RYR2: variants seen among roughly 807,000 people sequenced by gnomAD.
RYR2 encodes cardiac muscle ryanodine receptor-calcium release channel.
In RYR2, 227 loss-of-function variants were observed where a neutral mutation model predicts 601.1. The ratio of observed to expected loss-of-function variants is 0.38; its 90% CI spans 0.34 to 0.42. The LOEUF (loss-of-function observed/expected upper bound fraction) is 0.42. RYR2 is among the 10% of genes least tolerant of loss of function. The probability of loss-of-function intolerance (pLI) is 1.00; values close to 1 mark genes in which losing one functional copy is unlikely to be tolerated. For synonymous variants in RYR2, 2,223 were observed against 2,175.1 expected, an observed-to-expected ratio of 1.02 and a Z score of -0.61; for missense variants, 4,646 against 6,156.5, an observed-to-expected ratio of 0.75 and a Z score of 8.21.
At chr1:237,321,318 C>T (rs1220222075) in intron 2 of RYR2, among the ~76,000 whole-genome samples, 1 of 152,054 alleles carries the variant, frequency 6.6e-6, no homozygotes, top group Non-Finnish European at 1.5e-5. Flanking sequence ...AGTACAATTC[C>T]TGGCAAGAAT....
intron 1 of RYR2, among the ~76,000 whole-genome samples, chr1:237,170,311 G>A (rs769390428): frequency 6.6e-6 from 1 of 152,140 alleles, no homozygotes; most frequent in Non-Finnish European, 1.5e-5. Flanking sequence ...AGCAGCAAGT[G>A]CCAGGCTCTT....
intron 25 of RYR2, among the ~76,000 whole-genome samples, chr1:237,539,948 A>G (rs1422209746): frequency 1.3e-5 from 2 of 152,170 alleles, no homozygotes; most frequent in African/African-American, 2.4e-5. Context: ...TCTGATATAT[A>G]ATAGACATAA....
At chr1:237,747,875 G>C (rs913445187) in intron 80 of RYR2, among the ~76,000 whole-genome samples, 1 of 152,080 alleles carries the variant, frequency 6.6e-6, no homozygotes, top group Non-Finnish European at 1.5e-5. Context: ...GAGGTATATG[G>C]TATCCAAAAT....
At chr1:237,538,394 CAAAAAAAAAAAAAA>C (rs10551995) in intron 25 of RYR2, among the ~76,000 whole-genome samples, 23 of 32,872 alleles carry the variant, frequency 7.0e-4, no homozygotes, top group African/African-American at 1.3e-3. Flanking sequence ...GACTCTGTCT[CAAAAAAAAAAAAAA>C]AAAAAAAAAA....
intron 100 of RYR2, among the ~76,000 whole-genome samples, chr1:237,816,316 AAG>A (rs1260405316): frequency 2.6e-5 from 4 of 152,196 alleles, no homozygotes; most frequent in Admixed American, 2.0e-4. Context: ...CTAAAGAGGA[AAG>A]AAGCTGTGTT....
intron 27 of RYR2, among the ~76,000 whole-genome samples, chr1:237,565,141 T>C (rs201207200): frequency 0.038 from 1,800 of 47,508 alleles, 359 homozygotes; most frequent in South Asian, 0.09. Context: ...CTTTCTTTCT[T>C]TTTCTTTCTT....
At chr1:237,289,628 C>T (rs1691992694) in intron 2 of RYR2, among the ~76,000 whole-genome samples, 1 of 145,758 alleles carries the variant, frequency 6.9e-6, no homozygotes, top group South Asian at 2.3e-4. Flanking sequence ...TCAATTACCT[C>T]CCACTGGGTC....
chr1:237,112,344 C>G (rs927030025), intron 1 of RYR2, among the ~76,000 whole-genome samples: 1 of 152,138 alleles, frequency 6.6e-6, no homozygotes, highest in Non-Finnish European at 1.5e-5. Flanking sequence ...GAACTCCTGA[C>G]CTCAGGTGAT....
chr1:237,355,903 T>C lies in RYR2; in HGVS notation c.274-62T>C, dbSNP rs948361302. 3 of 1,399,554 alleles carry C rather than the reference T, an allele frequency of 2.1e-6. No homozygotes were observed. In the Admixed American group the frequency reaches 5.9e-5, roughly 28 times the overall value. The allele number at this position is 1,399,554 out of a possible 1,614,324, so 86.7% of individuals were successfully genotyped here. The stretch of plus-strand genomic sequence containing the variant: ...TGATATCAATTCATTTAAATGACAG[T>C]AATTGAAACATTGCTAGGTATTTGT... On this transcript the variant is annotated intron_variant, in intron 3 of 104. Coordinates refer to ENST00000366574, the MANE Select transcript of RYR2 (RefSeq NM_001035.3).
rs1297451597 is a variant in RYR2 at position 237,569,247 on chromosome 1, A to G, written c.3526A>G (p.Thr1176Ala). 1.2e-6 allele frequency: 2 copies of G among 1,613,802 alleles called. No individual in the cohort carries two copies. Among genetic ancestry groups the G allele is most frequent in the South Asian group, 1.1e-5 (1 of 91,070 alleles). Residue 1176 changes from threonine (T) to alanine (A), a missense_variant, in exon 29 of 105, where the codon ACA (threonine) becomes GCA (alanine). By Grantham distance (58) the Thr-to-Ala change is moderately conservative. This residue lies in a region of RYR2 where 1,807 missense variants were observed against 2,088.1 expected (regional missense o/e 0.87). Transcript: ENST00000366574. ...CATGAACGAACACACCATGATGTTCACACTGAATGGTGAAATCCTTCTTGA... is the reference window on the plus strand; with the variant it reads ...CATGAACGAACACACCATGATGTTCGCACTGAATGGTGAAATCCTTCTTGA... The part of the protein sequence containing the change: ...VDMNEHTMMF[T>A]LNGEILLDDS...
chr1:237,650,321 G>T (rs1399835140), intron 50 of RYR2, among the ~76,000 whole-genome samples: 1 of 152,114 alleles, frequency 6.6e-6, no homozygotes, highest in Non-Finnish European at 1.5e-5. Context: ...CCAGCTGTTG[G>T]ATATAGCTTT....
At chr1:237,598,298 C>T (rs745649148) in intron 34 of RYR2, among the ~76,000 whole-genome samples, 35 of 152,286 alleles carry the variant, frequency 2.3e-4, no homozygotes, top group Admixed American at 3.9e-4. Flanking sequence ...AAACTGCACT[C>T]TAGACCAAAG....
intron 87 of RYR2, among the ~76,000 whole-genome samples, chr1:237,776,718 A>T (rs1177919772): frequency 6.6e-6 from 1 of 151,124 alleles, no homozygotes; most frequent in Non-Finnish European, 1.5e-5. Context: ...TGTGGGAGAG[A>T]GGAGGTATGG....
intron 98 of RYR2, among the ~76,000 whole-genome samples, chr1:237,802,940 A>G (rs1660143409): frequency 6.6e-6 from 1 of 152,126 alleles, no homozygotes; most frequent in Admixed American, 6.6e-5. Flanking sequence ...GCGTTCTGCT[A>G]TTTTAGTAGG....
At chr1:237,671,689 G>A (rs1317604021) in intron 58 of RYR2, among the ~76,000 whole-genome samples, 2 of 152,000 alleles carry the variant, frequency 1.3e-5, no homozygotes, top group Non-Finnish European at 1.5e-5. Context: ...GGGAAATCAG[G>A]AGAAAAATGC....
At chr1:237,492,230 C>T (rs970281085) in intron 18 of RYR2, among the ~76,000 whole-genome samples, 2 of 152,138 alleles carry the variant, frequency 1.3e-5, no homozygotes, top group Admixed American at 1.3e-4. Flanking sequence ...CAGGGTTTTA[C>T]CATATTGGTC....
At position 237,795,337 on chromosome 1, in the gene RYR2, ATTAC is replaced by A. The variant is rs2149392567; in HGVS notation, c.13956+9_13956+12del. ...ACAAATTTGTTAAAAGAAAGGTAAT[ATTAC>A]TTGGAATCCTCTACATTTTTCTTAA... is the stretch of plus-strand genomic sequence containing the variant. On this transcript the variant is annotated splice_region_variant and intron_variant, in intron 96 of 104. Coordinates refer to ENST00000366574, the MANE Select transcript of RYR2 (RefSeq NM_001035.3). 3 of 1,373,662 alleles carry A rather than the reference ATTAC, an allele frequency of 2.2e-6. No individual in the cohort carries two copies. Among genetic ancestry groups the A allele is most frequent in the Non-Finnish European group, 3.0e-6 (3 of 992,872 alleles). The allele number at this position is 1,373,662 out of a possible 1,614,324, so 85.1% of individuals were successfully genotyped here. A position where few individuals can be genotyped will look rare whatever the true frequency, so the allele number is the denominator to read the frequency against.
chr1:237,053,880 C>T (rs1661602754), intron 1 of RYR2, among the ~76,000 whole-genome samples: 1 of 152,146 alleles, frequency 6.6e-6, no homozygotes, highest in Non-Finnish European at 1.5e-5. Flanking sequence ...ACAGAATTCT[C>T]AGACTGAAAA....
chr1:237,717,313 T>C lies in RYR2; in HGVS notation c.10439T>C (p.Ile3480Thr), dbSNP rs754373766. Residue 3480 changes from isoleucine (I) to threonine (T), a missense_variant, in exon 72 of 105, where the codon ATC becomes ACC. Around this residue, in one of 17 missense-constraint regions of RYR2, gnomAD observed 1,497 missense variants for 1,842.6 expected, o/e 0.81. Coordinates refer to ENST00000366574, the MANE Select transcript of RYR2 (RefSeq NM_001035.3). ...LKRLLPIGLN[I>T]CAPGDQELIA... ...CGGTTACTGCCCATTGGGTTGAACA[T>C]CTGTGCCCCTGGGGACCAGGAGCTC... The C allele has an allele frequency of 1.2e-6, 2 of 1,612,866 alleles. No individual in the cohort carries two copies. The highest frequency in any genetic ancestry group is 2.2e-5 in the South Asian group (2 of 90,962).
Sources: allele counts gnomAD v4.1 joint callset (sites outside exome capture counted in the v4.1 genomes callset), GRCh38; gene constraint gnomAD v4.1.1; regional missense constraint gnomAD v4.1.1; transcripts MANE v1.5; gene names NCBI Gene and HGNC (gene_info 2026-07-23, HGNC 2026-07-21).